The following GRIA3 variants were observed in gnomAD, a reference collection of about 807,000 sequenced individuals.
GRIA3 encodes glutamate ionotropic receptor AMPA type subunit 3, also known as glutamate receptor 3.
In GRIA3, 3 loss-of-function variants were observed where a neutral mutation model predicts 63.0. That is an observed-to-expected ratio of 0.05 (90% confidence interval 0.02 to 0.12). GRIA3 has a LOEUF of 0.12. Among genes scored for constraint, GRIA3 ranks in the 10% least tolerant of loss-of-function variants. The pLI, the probability that GRIA3 is intolerant of heterozygous loss-of-function variation, is 1.00. For missense variants in GRIA3, 347 were observed against 700.9 expected, an observed-to-expected ratio of 0.50 and a Z score of 5.70; for synonymous variants, 274 against 257.9, an observed-to-expected ratio of 1.06 and a Z score of -0.60.
chrX:123,250,524 G>T (rs1160740011), intron 2 of GRIA3, among the ~76,000 whole-genome samples: 3 of 111,689 alleles, frequency 2.7e-5, no homozygotes, highest in Admixed American at 9.5e-5. Flanking sequence ...AATCTAGTCA[G>T]GTTGGAGTTC....
chrX:123,256,784 C>T (rs2044422289), intron 3 of GRIA3, among the ~76,000 whole-genome samples: 1 of 111,312 alleles, frequency 9.0e-6, no homozygotes, highest in Non-Finnish European at 1.9e-5. Context: ...GAGTGTGGTG[C>T]AAGTAAAAAA....
intron 3 of GRIA3, among the ~76,000 whole-genome samples, chrX:123,269,340 G>T (rs2044506875): frequency 8.9e-6 from 1 of 111,917 alleles, no homozygotes; most frequent in Non-Finnish European, 1.9e-5. Flanking sequence ...TCCATGAAAG[G>T]CACCTAGAAC....
chrX:123,384,590 A>C (rs2045344160), intron 5 of GRIA3, among the ~76,000 whole-genome samples: 1 of 110,764 alleles, frequency 9.0e-6, no homozygotes, highest in East Asian at 2.8e-4. Flanking sequence ...ATGCCATTGC[A>C]CTCCAGCCTG....
At chrX:123,295,297 G>A (rs1164322751) in intron 3 of GRIA3, among the ~76,000 whole-genome samples, 3 of 111,708 alleles carry the variant, frequency 2.7e-5, no homozygotes, top group Non-Finnish European at 5.7e-5. Context: ...TAGAAGAGAC[G>A]TGAATTTTTA....
chrX:123,421,959 C>A (rs942557532), intron 11 of GRIA3, among the ~76,000 whole-genome samples: 1 of 111,596 alleles, frequency 9.0e-6, no homozygotes, highest in Non-Finnish European at 1.9e-5. Flanking sequence ...GGGAACAGCA[C>A]CCGAAGGATG....
At chrX:123,314,594 A>C (rs967207379) in intron 3 of GRIA3, among the ~76,000 whole-genome samples, 11 of 112,479 alleles carry the variant, frequency 9.8e-5, no homozygotes, top group East Asian at 5.6e-4. Context: ...TGACAATGCA[A>C]AGCAAGTTTA....
intron 2 of GRIA3, among the ~76,000 whole-genome samples, chrX:123,227,486 T>G (rs1336581636): frequency 1.8e-5 from 2 of 111,787 alleles, no homozygotes; most frequent in Non-Finnish European, 1.9e-5. Flanking sequence ...GCAAGAAGGG[T>G]GGCCAGCAAG....
intron 5 of GRIA3, among the ~76,000 whole-genome samples, chrX:123,373,539 C>T (rs749306484): frequency 4.5e-5 from 5 of 110,988 alleles, no homozygotes; most frequent in South Asian, 3.8e-4. Flanking sequence ...TTTTAATGAT[C>T]GCTATTCTGA....
intron 3 of GRIA3, 107 bp from the exon 4 acceptor site, chrX:123,325,919 G>C: frequency 1.6e-6 from 1 of 645,134 alleles, no homozygotes; most frequent in Non-Finnish European, 2.5e-6. Flanking sequence ...TTTCCATAAT[G>C]GATAAGGTTC....
intron 11 of GRIA3, among the ~76,000 whole-genome samples, chrX:123,420,617 G>A (rs2045559402): frequency 9.0e-6 from 1 of 111,024 alleles, no homozygotes; most frequent in African/African-American, 3.3e-5. Flanking sequence ...ATTGGTTTCT[G>A]TAAGTGAATT....
chrX:123,466,270 A>G (rs2147434724), intron 13 of GRIA3, among the ~76,000 whole-genome samples: 1 of 111,756 alleles, frequency 8.9e-6, no homozygotes, highest in South Asian at 3.7e-4. Flanking sequence ...CTGAGTGATG[A>G]GATGTTGTTC....
intron 2 of GRIA3, among the ~76,000 whole-genome samples, chrX:123,232,870 G>A (rs2044283135): frequency 9.1e-6 from 1 of 110,003 alleles, no homozygotes; most frequent in Admixed American, 9.7e-5. Context: ...TTCTATTCTT[G>A]GCATTTTGCA....
intron 2 of GRIA3, among the ~76,000 whole-genome samples, chrX:123,234,954 T>G (rs2044294643): frequency 9.0e-6 from 1 of 111,551 alleles, no homozygotes; most frequent in Admixed American, 9.5e-5. Flanking sequence ...ATTTGCCCTT[T>G]AAATGGTTCA....
intron 3 of GRIA3, among the ~76,000 whole-genome samples, chrX:123,261,054 T>G (rs998396632): frequency 1.8e-5 from 2 of 112,096 alleles, no homozygotes; most frequent in Non-Finnish European, 3.8e-5. Context: ...GAAGAGAAAG[T>G]GCCGAGCAAT....
At chrX:123,467,182 A>C (rs2045838818) in intron 13 of GRIA3, among the ~76,000 whole-genome samples, 1 of 112,317 alleles carries the variant, frequency 8.9e-6, no homozygotes, top group Non-Finnish European at 1.9e-5. Context: ...TTTTTAAAAA[A>C]TACTTACCAA....
At chrX:123,324,568 G>A (rs749838000) in intron 3 of GRIA3, among the ~76,000 whole-genome samples, 2 of 111,780 alleles carry the variant, frequency 1.8e-5, no homozygotes, top group Non-Finnish European at 3.8e-5. Flanking sequence ...CAACCCACAC[G>A]AAAATGTAAA....
At chrX:123,257,924 C>T (rs900826039) in intron 3 of GRIA3, among the ~76,000 whole-genome samples, 7 of 111,965 alleles carry the variant, frequency 6.3e-5, no homozygotes, top group African/African-American at 2.3e-4. Flanking sequence ...TGTCTGCAGA[C>T]GAAAGTCTGA....
At chrX:123,199,656 T>C (rs1439970269) in intron 2 of GRIA3, among the ~76,000 whole-genome samples, 4 of 111,888 alleles carry the variant, frequency 3.6e-5, no homozygotes, top group African/African-American at 1.3e-4. Context: ...CTTTCACTGC[T>C]GCACAATGAC....
chrX:123,435,932 G>C (rs1372928362), intron 12 of GRIA3, among the ~76,000 whole-genome samples: 1 of 111,881 alleles, frequency 8.9e-6, no homozygotes, highest in Non-Finnish European at 1.9e-5. Flanking sequence ...GGGTTGGTGA[G>C]AGGCTAATAT....
Sources: gnomAD v4.1 joint callset for allele counts (sites outside exome capture counted in the v4.1 genomes callset) on GRCh38, gnomAD v4.1.1 for gene constraint, MANE v1.5 for transcripts, NCBI Gene and HGNC (gene_info 2026-07-23, HGNC 2026-07-21) for gene names.